Variants in STARD13 observed in about 807,000 individuals in gnomAD.
STARD13 encodes the protein StAR related lipid transfer domain containing 13.
Under a neutral mutation model 106.4 loss-of-function variants are expected in STARD13, and 62 were observed. The ratio of observed to expected loss-of-function variants is 0.58; its 90% CI spans 0.48 to 0.72. The LOEUF is 0.72. STARD13 is among the 30% of genes least tolerant of loss of function. The pLI, the probability that STARD13 is intolerant of heterozygous loss-of-function variation, is 0.00. For synonymous variants in STARD13, 565 were observed against 553.0 expected, an observed-to-expected ratio of 1.02 and a Z score of -0.31; for missense variants, 1,387 against 1,424.0, an observed-to-expected ratio of 0.97 and a Z score of 0.42.
chr13:33,646,023 G>C, the STARD13 span, among the ~76,000 whole-genome samples: 1 of 152,156 alleles, frequency 6.6e-6, no homozygotes, highest in Non-Finnish European at 1.5e-5. Flanking sequence ...TATTGTCACA[G>C]AGATAGTAAT....
chr13:33,392,910 G>T, the STARD13 span, among the ~76,000 whole-genome samples: 1 of 152,156 alleles, frequency 6.6e-6, no homozygotes, highest in Non-Finnish European at 1.5e-5. Context: ...ATAGAGTCTT[G>T]AGTAAACAAA....
upstream of STARD13, among the ~76,000 whole-genome samples, chr13:33,286,582 C>T (rs541619674): frequency 6.6e-6 from 1 of 152,170 alleles, no homozygotes; most frequent in African/African-American, 2.4e-5. Flanking sequence ...TATACAAAAG[C>T]TTCTAACATG....
chr13:33,542,198 C>T, the STARD13 span, among the ~76,000 whole-genome samples: 1 of 152,160 alleles, frequency 6.6e-6, no homozygotes, highest in African/African-American at 2.4e-5. Flanking sequence ...ACACCCCTAC[C>T]TTCTCAGAAT....
the STARD13 span, among the ~76,000 whole-genome samples, chr13:33,380,201 C>T: frequency 1.3e-5 from 2 of 152,124 alleles, no homozygotes; most frequent in East Asian, 1.9e-4. Flanking sequence ...GCCTTACCAA[C>T]GTGGTGAATT....
chr13:33,455,776 AC>A, the STARD13 span, among the ~76,000 whole-genome samples: 1 of 151,970 alleles, frequency 6.6e-6, no homozygotes, highest in African/African-American at 2.4e-5. Context: ...TAAAAAAACA[AC>A]AACAACAACA....
chr13:33,257,472 C>A (rs9597058), intron 1 of STARD13, among the ~76,000 whole-genome samples: 1,750 of 152,222 alleles, frequency 0.011, 26 homozygotes, highest in African/African-American at 0.035. Context: ...CTTTACCTAT[C>A]TATCTAGGGA....
intron 1 of STARD13, among the ~76,000 whole-genome samples, chr13:33,203,690 G>C (rs778700014): frequency 1.3e-5 from 2 of 151,790 alleles, no homozygotes; most frequent in African/African-American, 4.8e-5. Context: ...ATTCTACAAA[G>C]AGAAAAAAAA....
At chr13:33,459,684 C>G in the STARD13 span, among the ~76,000 whole-genome samples, 2 of 152,152 alleles carry the variant, frequency 1.3e-5, no homozygotes, top group Non-Finnish European at 2.9e-5. Context: ...TTCGTGCTTC[C>G]ATATTGTGCT....
the STARD13 span, among the ~76,000 whole-genome samples, chr13:33,591,896 T>A: frequency 1.3e-5 from 2 of 152,256 alleles, no homozygotes; most frequent in African/African-American, 4.8e-5. Context: ...TGTTCACTCA[T>A]TAATTAAAAT....
chr13:33,519,453 G>A, the STARD13 span, among the ~76,000 whole-genome samples: 1 of 151,242 alleles, frequency 6.6e-6, no homozygotes, highest in African/African-American at 2.4e-5. Context: ...GCCTCCCAAA[G>A]TGCTGAGATT....
chr13:33,514,207 G>A, the STARD13 span, among the ~76,000 whole-genome samples: 1 of 152,182 alleles, frequency 6.6e-6, no homozygotes, highest in Non-Finnish European at 1.5e-5. Context: ...TGATTCAGTA[G>A]ATGTTCACAA....
At chr13:33,211,171 TTAATA>T (rs1168353940) in intron 1 of STARD13, among the ~76,000 whole-genome samples, 4 of 151,134 alleles carry the variant, frequency 2.6e-5, no homozygotes, top group Non-Finnish European at 5.9e-5. Flanking sequence ...TAAAAAATCT[TTAATA>T]TATTATTTTA....
chr13:33,462,935 A>G, the STARD13 span, among the ~76,000 whole-genome samples: 2 of 152,212 alleles, frequency 1.3e-5, no homozygotes, highest in African/African-American at 4.8e-5. Flanking sequence ...CGGATCACTC[A>G]ATATCAACCG....
At chr13:33,251,004 A>G (rs1045772399) in intron 1 of STARD13, among the ~76,000 whole-genome samples, 8 of 152,196 alleles carry the variant, frequency 5.3e-5, no homozygotes, top group African/African-American at 1.9e-4. Flanking sequence ...TAGGATAAGG[A>G]AGGGAAGGGA....
chr13:33,248,706 T>A (rs929070896), intron 1 of STARD13, among the ~76,000 whole-genome samples: 1 of 152,236 alleles, frequency 6.6e-6, no homozygotes, highest in Non-Finnish European at 1.5e-5. Context: ...CATATTTTGA[T>A]TTTTCTTCTT....
At chr13:33,149,043 C>T (rs1460946178) in intron 3 of STARD13, among the ~76,000 whole-genome samples, 3 of 151,906 alleles carry the variant, frequency 2.0e-5, no homozygotes, top group Non-Finnish European at 4.4e-5. Flanking sequence ...CAGTGGTTGC[C>T]AGGGGTTGGG....
chr13:33,104,964 T>G lies in STARD13; in HGVS notation c.*629A>C, dbSNP rs560380317. The stretch of plus-strand genomic sequence containing the variant: ...CAGATCTCCACTCTCAGTTTTTGAA[T>G]AGCAGAAACAAAGCGTTAACACATA... On this transcript the variant is annotated 3_prime_UTR_variant, in exon 14 of 14. Coordinates refer to ENST00000336934, the MANE Select transcript of STARD13 (RefSeq NM_178006.4). 2 of 153,228 alleles carry G rather than the reference T, an allele frequency of 1.3e-5. No individual in the cohort carries two copies. Among genetic ancestry groups the G allele is most frequent in the South Asian group, 2.1e-4 (1 of 4,830 alleles). The allele number at this position is 153,228 out of a possible 1,614,324, so 9.5% of individuals were successfully genotyped here.
At chr13:33,385,687 C>T in the STARD13 span, among the ~76,000 whole-genome samples, 1 of 151,340 alleles carries the variant, frequency 6.6e-6, no homozygotes, top group African/African-American at 2.4e-5. Flanking sequence ...TGGTGAAACC[C>T]TGTCTCTACT....
At chr13:33,365,536 A>G in the STARD13 span, among the ~76,000 whole-genome samples, 1 of 152,130 alleles carries the variant, frequency 6.6e-6, no homozygotes, top group East Asian at 1.9e-4. Flanking sequence ...AAGACTTGAG[A>G]TTTCCCTCCT....
Sources: allele counts gnomAD v4.1 joint callset (sites outside exome capture counted in the v4.1 genomes callset), GRCh38; gene constraint gnomAD v4.1.1; transcripts MANE v1.5; gene names NCBI Gene and HGNC (gene_info 2026-07-23, HGNC 2026-07-21).